Variants in SDK1 observed in about 807,000 individuals in gnomAD.
SDK1 encodes the protein protein sidekick-1.
In SDK1, 157 loss-of-function variants were observed where a neutral mutation model predicts 245.5. The ratio of observed to expected loss-of-function variants is 0.64; its 90% CI spans 0.56 to 0.73. SDK1 has a LOEUF of 0.73. Among genes scored for constraint, SDK1 ranks in the 30% least tolerant of loss-of-function variants. The pLI, the probability that SDK1 is intolerant of heterozygous loss-of-function variation, is 0.00. For missense variants in SDK1, 3,583 were observed against 3,002.3 expected, an observed-to-expected ratio of 1.19 and a Z score of -4.52; for synonymous variants, 1,647 against 1,278.5, an observed-to-expected ratio of 1.29 and a Z score of -6.15.
intron 43 of SDK1, among the ~76,000 whole-genome samples, chr7:4,244,324 T>C (rs1583163688): frequency 6.6e-6 from 1 of 152,228 alleles, no homozygotes; most frequent in African/African-American, 2.4e-5. Flanking sequence ...CTGGGGGTCC[T>C]GGACATGGTC....
At chr7:3,795,801 C>T (rs377172018) in intron 4 of SDK1, among the ~76,000 whole-genome samples, 21 of 152,194 alleles carry the variant, frequency 1.4e-4, no homozygotes, top group African/African-American at 5.1e-4. Context: ...TGGGTTTATA[C>T]CCATTTGTAT....
intron 1 of SDK1, among the ~76,000 whole-genome samples, chr7:3,347,720 C>T (rs1780546298): frequency 6.6e-6 from 1 of 152,138 alleles, no homozygotes; most frequent in East Asian, 1.9e-4. Context: ...TTATGTTCTT[C>T]TGAACCTTCT....
chr7:3,872,282 C>T (rs1780975897), intron 5 of SDK1, among the ~76,000 whole-genome samples: 1 of 152,016 alleles, frequency 6.6e-6, no homozygotes, highest in Non-Finnish European at 1.5e-5. Flanking sequence ...GTTTATCTAG[C>T]TTTGGTATTA....
At chr7:4,207,068 G>A (rs530519831) in intron 36 of SDK1, among the ~76,000 whole-genome samples, 19 of 152,326 alleles carry the variant, frequency 1.2e-4, no homozygotes, top group Admixed American at 4.6e-4. Context: ...AGGCCTGGGC[G>A]AGCGGAAGAT....
chr7:3,857,072 C>T (rs541477269), intron 5 of SDK1, among the ~76,000 whole-genome samples: 36 of 152,174 alleles, frequency 2.4e-4, no homozygotes, highest in African/African-American at 7.2e-4. Flanking sequence ...ATGAAAAAAT[C>T]AACTCCTATT....
chr7:3,372,046 G>A (rs963115819), intron 1 of SDK1, among the ~76,000 whole-genome samples: 1 of 152,156 alleles, frequency 6.6e-6, no homozygotes, highest in Non-Finnish European at 1.5e-5. Context: ...CAGCTACGTT[G>A]TTAACATACA....
intron 37 of SDK1, 138 bp downstream of exon 37, chr7:4,208,423 G>A: frequency 1.4e-6 from 1 of 739,044 alleles, no homozygotes; most frequent in Non-Finnish European, 2.2e-6. Context: ...GGGAGTTTCT[G>A]GATGGGCAGG....
intron 2 of SDK1, among the ~76,000 whole-genome samples, chr7:3,620,221 C>T (rs1781893777): frequency 6.6e-6 from 1 of 152,004 alleles, no homozygotes; most frequent in Non-Finnish European, 1.5e-5. Flanking sequence ...TCAGCCTGCC[C>T]AGAATTTATG....
intron 30 of SDK1, among the ~76,000 whole-genome samples, chr7:4,151,657 C>T (rs148521804): frequency 3.3e-5 from 5 of 152,288 alleles, no homozygotes; most frequent in South Asian, 2.1e-4. Flanking sequence ...TCATTATTTC[C>T]GGAATCCCCT....
chr7:4,210,881 C>A (rs994229630), intron 38 of SDK1, among the ~76,000 whole-genome samples: 3 of 152,196 alleles, frequency 2.0e-5, no homozygotes, highest in African/African-American at 7.2e-5. Context: ...GAGAGGAGGG[C>A]TAACACAAGA....
chr7:3,385,714 ATTC>A (rs1159784397), intron 1 of SDK1, among the ~76,000 whole-genome samples: 1 of 152,122 alleles, frequency 6.6e-6, no homozygotes, highest in Non-Finnish European at 1.5e-5. Context: ...TTCCTTTATA[ATTC>A]TTATCAGACA....
chr7:4,173,256 A>AG (rs1341803308), intron 32 of SDK1, among the ~76,000 whole-genome samples: 3 of 152,182 alleles, frequency 2.0e-5, no homozygotes, highest in Non-Finnish European at 4.4e-5. Context: ...AGATGCTCGG[A>AG]GGCTCAGCAC....
At chr7:3,722,907 A>G (rs1302921785) in intron 4 of SDK1, among the ~76,000 whole-genome samples, 2 of 152,226 alleles carry the variant, frequency 1.3e-5, no homozygotes, top group Non-Finnish European at 2.9e-5. Flanking sequence ...GATGGAGAGG[A>G]GAGCCAGCCT....
chr7:3,851,352 T>A (rs905561297), intron 5 of SDK1, among the ~76,000 whole-genome samples: 1 of 152,168 alleles, frequency 6.6e-6, no homozygotes, highest in African/African-American at 2.4e-5. Flanking sequence ...AAACTAATAT[T>A]TAATTTCCTT....
At chr7:3,589,716 G>A (rs1780800877) in intron 1 of SDK1, among the ~76,000 whole-genome samples, 1 of 152,124 alleles carries the variant, frequency 6.6e-6, no homozygotes, top group Admixed American at 6.5e-5. Flanking sequence ...TCACTGTCAT[G>A]AGAACAGCAT....
chr7:3,313,488 A>G (rs1345268542), intron 1 of SDK1, among the ~76,000 whole-genome samples: 1 of 152,228 alleles, frequency 6.6e-6, no homozygotes, highest in Admixed American at 6.5e-5. Context: ...CACTTCAAAA[A>G]GAAAGAAATT....
intron 1 of SDK1, among the ~76,000 whole-genome samples, chr7:3,539,523 T>TATC (rs1361329778): frequency 1.3e-5 from 2 of 152,206 alleles, no homozygotes; most frequent in Non-Finnish European, 2.9e-5. Flanking sequence ...GAAAGTCCAC[T>TATC]ATCAGAGAGA....
At chr7:4,144,916 G>A (rs80336309) in intron 28 of SDK1, among the ~76,000 whole-genome samples, 2,004 of 152,282 alleles carry the variant, frequency 0.013, 47 homozygotes, top group African/African-American at 0.045. Flanking sequence ...GAGCTCAGCC[G>A]CTGGACCACA....
chr7:4,163,507 A>G (rs1452124377), intron 32 of SDK1, among the ~76,000 whole-genome samples: 1 of 152,106 alleles, frequency 6.6e-6, no homozygotes, highest in African/African-American at 2.4e-5. Context: ...GCTGGGAAAC[A>G]CAGCCAAGGC....
Sources: allele counts gnomAD v4.1 joint callset (sites outside exome capture counted in the v4.1 genomes callset), GRCh38; gene constraint gnomAD v4.1.1; transcripts MANE v1.5; gene names NCBI Gene and HGNC (gene_info 2026-07-23, HGNC 2026-07-21).